The following CSGALNACT1 variants were observed in gnomAD, a reference collection of about 807,000 sequenced individuals.
The protein encoded by CSGALNACT1 is beta4GalNAcT-1.
In CSGALNACT1, 52 loss-of-function variants were observed where a neutral mutation model predicts 51.0. The observed-to-expected ratio is 1.02, with a 90% CI of 0.82 to 1.29. The LOEUF is 1.29. CSGALNACT1 is among the 50% of genes most tolerant of loss of function. The pLI is 0.00. For synonymous variants in CSGALNACT1, 341 were observed against 254.4 expected (o/e 1.34, Z -3.24); for missense variants, 935 against 679.2 (o/e 1.38, Z -4.19).
intron 4 of CSGALNACT1, among the ~76,000 whole-genome samples, chr8:19,470,898 C>G (rs1473186729): frequency 2.0e-5 from 3 of 152,144 alleles, no homozygotes; most frequent in African/African-American, 7.2e-5. Flanking sequence ...GAGTTCCAGA[C>G]TAGCCTGGCC....
intron 9 of CSGALNACT1, among the ~76,000 whole-genome samples, chr8:19,407,505 A>G (rs988822550): frequency 2.0e-5 from 3 of 151,996 alleles, no homozygotes; most frequent in Non-Finnish European, 2.9e-5. Flanking sequence ...ATAATCTGCA[A>G]CTCTATCTCT....
chr8:19,420,468 G>C, exon 7 of CSGALNACT1: 1 of 1,614,182 alleles, frequency 6.2e-7, no homozygotes, highest in Non-Finnish European at 8.5e-7. Context: ...CTTTCCCCGA[G>C]AAAATTCTCC....
At chr8:19,599,526 AAAG>A (rs1301932354) in intron 2 of CSGALNACT1, among the ~76,000 whole-genome samples, 1 of 110,060 alleles carries the variant, frequency 9.1e-6, no homozygotes, top group African/African-American at 3.2e-5. Flanking sequence ...GAAAGAAAGA[AAAG>A]AAAGAAAAAG....
chr8:19,634,351 G>C (rs1470112839), intron 1 of CSGALNACT1, among the ~76,000 whole-genome samples: 1 of 152,108 alleles, frequency 6.6e-6, no homozygotes, highest in East Asian at 1.9e-4. Context: ...TTCGTGATGG[G>C]ATTAGCGCCC....
upstream of CSGALNACT1, among the ~76,000 whole-genome samples, chr8:19,684,426 A>G (rs546086075): frequency 9.2e-5 from 14 of 152,316 alleles, no homozygotes; most frequent in Middle Eastern, 3.4e-3. Flanking sequence ...AAAAATAAAC[A>G]TAAGATTATG....
At chr8:19,677,110 C>CA (rs1554801540) in intron 1 of CSGALNACT1, among the ~76,000 whole-genome samples, 1 of 148,850 alleles carries the variant, frequency 6.7e-6, no homozygotes, top group Non-Finnish European at 1.5e-5. Context: ...TTTGAGAATG[C>CA]TTTTTTTTTT....
rs570497472 is a variant in CSGALNACT1, at chr8:19,584,782, T to C, written c.-297+6378A>G. On this transcript the variant is annotated intron_variant, in intron 3 of 9. Coordinates refer to ENST00000454498, the Ensembl canonical transcript of CSGALNACT1. ...AAAGTAAGCATTAAACCATCAGTTA[T>C]AAGGCAGTTATAAAGCATCTCTTTA... Among the ~76,000 whole-genome samples, 4 of 152,284 alleles carry C rather than the reference T, an allele frequency of 2.6e-5. No individual in the cohort carries two copies. The East Asian group carries it at 5.8e-4, about 22-fold the overall frequency.
rs6988056 is a variant in CSGALNACT1 at position 19,458,754 on chromosome 8, C to A, written c.635-112G>T. The A allele has an allele frequency of 0.014, 13,938 of 1,004,758 alleles. 1,285 individuals are homozygous for A. The African/African-American group carries it at 0.2, about 14-fold the overall frequency. The allele number at this position is 1,004,758 out of a possible 1,614,324, so 62.2% of individuals were successfully genotyped here. On this transcript the variant is annotated intron_variant, in intron 4 of 9. Transcript: ENST00000454498. ...CTTTAAAAAGTGTTTAAGATGAAAT[C>A]TCTCCAACAATTATTCGAAAATTCA...
chr8:19,481,098 A>T (rs147656635), intron 4 of CSGALNACT1, among the ~76,000 whole-genome samples: 1 of 152,322 alleles, frequency 6.6e-6, no homozygotes, highest in African/African-American at 2.4e-5. Flanking sequence ...GGCTGTAATT[A>T]ATCAGGCATT....
chr8:19,715,196 A>T (rs531834270), intron 1 of CSGALNACT1, among the ~76,000 whole-genome samples: 1 of 152,318 alleles, frequency 6.6e-6, no homozygotes, highest in East Asian at 1.9e-4. Context: ...AGACTTATTC[A>T]CTACCACGAG....
intron 1 of CSGALNACT1, among the ~76,000 whole-genome samples, chr8:19,612,436 TC>T (rs1443775444): frequency 6.7e-6 from 1 of 149,372 alleles, no homozygotes; most frequent in African/African-American, 2.5e-5. Flanking sequence ...CCCAGACACC[TC>T]CCCATCCCCG....
At chr8:19,597,039 C>T (rs78805075) in intron 2 of CSGALNACT1, among the ~76,000 whole-genome samples, 3,626 of 152,228 alleles carry the variant, frequency 0.024, 155 homozygotes, top group African/African-American at 0.083. Context: ...ATTCTATTTT[C>T]TGTCTCTATA....
intron 1 of CSGALNACT1, among the ~76,000 whole-genome samples, chr8:19,744,330 C>A (rs1288814046): frequency 6.6e-6 from 1 of 152,212 alleles, no homozygotes; most frequent in Non-Finnish European, 1.5e-5. Flanking sequence ...GATACACCCA[C>A]GTCATAGATT....
chr8:19,737,809 T>G (rs1046266934), intron 1 of CSGALNACT1, among the ~76,000 whole-genome samples: 25 of 152,126 alleles, frequency 1.6e-4, no homozygotes, highest in African/African-American at 6.0e-4. Context: ...ATACACAAAA[T>G]ATTATGATTC....
chr8:19,640,670 T>C (rs1047724698), intron 1 of CSGALNACT1, among the ~76,000 whole-genome samples: 1 of 152,240 alleles, frequency 6.6e-6, no homozygotes, highest in African/African-American at 2.4e-5. Flanking sequence ...TTGAATCTAA[T>C]CTGAATTTCT....
chr8:19,740,973 T>C (rs1020953821), intron 1 of CSGALNACT1, among the ~76,000 whole-genome samples: 1 of 152,188 alleles, frequency 6.6e-6, no homozygotes, highest in African/African-American at 2.4e-5. Context: ...CTAAACTCCA[T>C]AGCAAAGCAA....
In CSGALNACT1 at chr8:19,480,397, G is replaced by C. The variant is rs77223381; in HGVS notation, c.635-21755C>G. 2.0e-5 allele frequency among the ~76,000 whole-genome samples: 3 copies of C among 152,106 alleles called. No individual in the cohort carries two copies. In the East Asian group the frequency reaches 5.8e-4, roughly 29 times the overall value. On this transcript the variant is annotated intron_variant, in intron 4 of 9. Coordinates refer to ENST00000454498, the Ensembl canonical transcript of CSGALNACT1. ...TTCTGTTTTTGCATTAGTTTGCTTA[G>C]AGCTGGAGTGGTCTCCAGCTCCATC...
chr8:19,647,936 C>T (rs968104322), intron 1 of CSGALNACT1, among the ~76,000 whole-genome samples: 4 of 152,164 alleles, frequency 2.6e-5, no homozygotes, highest in Admixed American at 2.6e-4. Context: ...CAATCTCAGA[C>T]CCTGGGCACA....
intron 4 of CSGALNACT1, among the ~76,000 whole-genome samples, chr8:19,460,245 G>C (rs559663061): frequency 6.6e-6 from 1 of 152,284 alleles, no homozygotes; most frequent in African/African-American, 2.4e-5. Flanking sequence ...GAGTGAGAGA[G>C]AATCAGGGAG....
Sources: gnomAD v4.1 joint callset for allele counts (sites outside exome capture counted in the v4.1 genomes callset) on GRCh38, gnomAD v4.1.1 for gene constraint, MANE v1.5 for transcripts, NCBI Gene and HGNC (gene_info 2026-07-23, HGNC 2026-07-21) for gene names.